Variants in CTNNA2 observed in about 807,000 individuals in gnomAD.
The protein encoded by CTNNA2 is catenin alpha-2.
Under a neutral mutation model 101.0 loss-of-function variants are expected in CTNNA2, and 42 were observed. That is an observed-to-expected ratio of 0.42 (90% CI 0.32 to 0.54). The LOEUF is 0.54. Ranked by LOEUF, CTNNA2 falls within the 20% of genes least tolerant of loss-of-function variation. CTNNA2 has a pLI of 0.14. For synonymous variants in CTNNA2, 450 were observed against 456.4 expected, an observed-to-expected ratio of 0.99 and a Z score of 0.18; for missense variants, 871 against 1,223.1, an observed-to-expected ratio of 0.71 and a Z score of 4.29.
At chr2:79,859,042 A>G (rs1423936355) in intron 4 of CTNNA2, among the ~76,000 whole-genome samples, 1 of 151,866 alleles carries the variant, frequency 6.6e-6, no homozygotes, top group African/African-American at 2.4e-5. Flanking sequence ...GCCTCTGCTT[A>G]GAGAATCCCT....
At chr2:80,007,406 A>G (rs1353066733) in intron 7 of CTNNA2, among the ~76,000 whole-genome samples, 1 of 152,180 alleles carries the variant, frequency 6.6e-6, no homozygotes, top group East Asian at 1.9e-4. Flanking sequence ...GAAACAGGAT[A>G]TGAGTTTACA....
chr2:80,164,476 A>C (rs114403364), intron 7 of CTNNA2, among the ~76,000 whole-genome samples: 1,695 of 152,110 alleles, frequency 0.011, 35 homozygotes, highest in African/African-American at 0.037. Context: ...TCAATATTTT[A>C]TATGTGTACA....
chr2:80,477,951 G>A (rs901591288), intron 9 of CTNNA2, among the ~76,000 whole-genome samples: 6 of 151,972 alleles, frequency 3.9e-5, no homozygotes, highest in Non-Finnish European at 8.8e-5. Flanking sequence ...CTACTTTTAG[G>A]TCTTTGAGAA....
At chr2:80,249,965 G>A (rs1671626685) in intron 7 of CTNNA2, among the ~76,000 whole-genome samples, 1 of 151,770 alleles carries the variant, frequency 6.6e-6, no homozygotes, top group African/African-American at 2.4e-5. Flanking sequence ...GAAGCAATTT[G>A]CAACTTACAT....
chr2:80,386,684 A>G (rs754656527), intron 7 of CTNNA2, among the ~76,000 whole-genome samples: 2 of 152,170 alleles, frequency 1.3e-5, no homozygotes, highest in Non-Finnish European at 2.9e-5. Context: ...TTTGACTTCC[A>G]TTTCTTTCAA....
intron 7 of CTNNA2, among the ~76,000 whole-genome samples, chr2:79,969,938 G>A (rs1690361273): frequency 6.6e-6 from 1 of 152,176 alleles, no homozygotes; most frequent in South Asian, 2.1e-4. Context: ...TTTGGAGGAG[G>A]TGGAGGAGGT....
intron 1 of CTNNA2, among the ~76,000 whole-genome samples, chr2:79,621,911 C>T (rs949016409): frequency 8.5e-5 from 13 of 152,280 alleles, no homozygotes; most frequent in African/African-American, 3.1e-4. Context: ...ACATGAGTAG[C>T]ATTTTACAAA....
chr2:79,961,731 A>T (rs2104532882), intron 7 of CTNNA2, among the ~76,000 whole-genome samples: 1 of 150,316 alleles, frequency 6.7e-6, no homozygotes, highest in Admixed American at 6.7e-5. Context: ...CTGAGGCAAG[A>T]GAATGGCGTG....
At chr2:79,331,353 C>G (rs943803148) in intron 3 of CTNNA2, among the ~76,000 whole-genome samples, 1 of 152,162 alleles carries the variant, frequency 6.6e-6, no homozygotes, top group East Asian at 1.9e-4. Flanking sequence ...CTGAATGAGA[C>G]AGAAAGGTCA....
intron 7 of CTNNA2, among the ~76,000 whole-genome samples, chr2:79,966,968 TCTTCTC>T (rs1690111581): frequency 6.6e-6 from 1 of 152,072 alleles, no homozygotes; most frequent in African/African-American, 2.4e-5. Context: ...GTGCCTTGGC[TCTTCTC>T]CTTCTAAACA....
chr2:79,987,262 G>A (rs1314356500), intron 7 of CTNNA2, among the ~76,000 whole-genome samples: 1 of 152,186 alleles, frequency 6.6e-6, no homozygotes, highest in African/African-American at 2.4e-5. Flanking sequence ...TGCAGGGTCT[G>A]TGTGTGAGGA....
chr2:79,848,918 A>G (rs1297475659), intron 3 of CTNNA2, among the ~76,000 whole-genome samples: 7 of 152,132 alleles, frequency 4.6e-5, no homozygotes, highest in African/African-American at 1.7e-4. Flanking sequence ...CCTCACAGCA[A>G]CAATGGCACT....
intron 7 of CTNNA2, among the ~76,000 whole-genome samples, chr2:80,044,862 G>A (rs1229986248): frequency 6.6e-6 from 1 of 151,968 alleles, no homozygotes; most frequent in Non-Finnish European, 1.5e-5. Context: ...TCTATTTCAG[G>A]GCCCCAGGAG....
At chr2:79,205,628 G>A (rs1674090966) in intron 2 of CTNNA2, among the ~76,000 whole-genome samples, 1 of 152,168 alleles carries the variant, frequency 6.6e-6, no homozygotes, top group Non-Finnish European at 1.5e-5. Flanking sequence ...AGGAAAGTCT[G>A]AACTGATGAT....
intron 4 of CTNNA2, among the ~76,000 whole-genome samples, chr2:79,384,384 CTCTCT>C (rs1678074167): frequency 6.3e-5 from 1 of 15,892 alleles, no homozygotes; most frequent in Non-Finnish European, 1.4e-4. Flanking sequence ...TCTTCTCTCT[CTCTCT>C]CTCTCTCTCT....
At chr2:79,600,569 A>G (rs1240681438) in intron 1 of CTNNA2, among the ~76,000 whole-genome samples, 2 of 152,194 alleles carry the variant, frequency 1.3e-5, no homozygotes, top group Non-Finnish European at 2.9e-5. Context: ...TTATAAATGT[A>G]TAAATTATGT....
intron 7 of CTNNA2, among the ~76,000 whole-genome samples, chr2:80,180,140 G>T (rs1285546027): frequency 2.6e-5 from 4 of 152,152 alleles, no homozygotes; most frequent in Non-Finnish European, 5.9e-5. Flanking sequence ...AAAGGCTGGA[G>T]ATCTCCTTGG....
intron 1 of CTNNA2, among the ~76,000 whole-genome samples, chr2:79,189,690 A>G (rs1458224097): frequency 1.3e-5 from 2 of 152,152 alleles, no homozygotes; most frequent in Admixed American, 6.5e-5. Flanking sequence ...TAATCTTCTG[A>G]CAGTAGGAAA....
intron 4 of CTNNA2, among the ~76,000 whole-genome samples, chr2:79,389,089 C>A (rs1445167151): frequency 6.6e-6 from 1 of 152,172 alleles, no homozygotes; most frequent in African/African-American, 2.4e-5. Flanking sequence ...ATGTCATTAA[C>A]ACCATTATCT....
Sources: allele counts gnomAD v4.1 joint callset (sites outside exome capture counted in the v4.1 genomes callset), GRCh38; gene constraint gnomAD v4.1.1; transcripts MANE v1.5; gene names NCBI Gene and HGNC (gene_info 2026-07-23, HGNC 2026-07-21).